ADGRF5: variants seen among roughly 807,000 people sequenced by gnomAD.
The protein encoded by ADGRF5 is G-protein coupled receptor 116.
In ADGRF5, 75 loss-of-function variants were observed where a neutral mutation model predicts 132.3. The ratio of observed to expected loss-of-function variants is 0.57; its 90% CI spans 0.47 to 0.69. The LOEUF (loss-of-function observed/expected upper bound fraction) is 0.69. Ranked by LOEUF, ADGRF5 falls within the 30% of genes least tolerant of loss-of-function variation. The pLI, the probability that ADGRF5 is intolerant of heterozygous loss-of-function variation, is 0.00. For missense variants in ADGRF5, 1,516 were observed against 1,630.6 expected (o/e 0.93, Z 1.21); for synonymous variants, 629 against 597.6 (o/e 1.05, Z -0.77).
In ADGRF5 at chr6:46,858,688, G is replaced by A. The variant is rs1168229983; in HGVS notation, c.3215C>T (p.Ala1072Val). ...TATGTAGCGATTGTCCTGGATGGCA[G>A]CGACCACAATGAACCAGGTGTTGGC... ...LVANTWFIVV[A>V]AIQDNRYILC... The change falls in exon 17 of 21, where the codon GCT becomes GTT. Residue 1072 changes from alanine (A) to valine (V), a missense_variant. Transcript: ENST00000283296. The A allele has an allele frequency of 1.2e-6, 2 of 1,614,194 alleles. No individual in the cohort carries two copies. Among genetic ancestry groups the A allele is most frequent in the Admixed American group, 3.3e-5 (2 of 60,032 alleles).
chr6:46,880,001 C>G lies in ADGRF5; in HGVS notation c.853G>C (p.Glu285Gln). The G allele has an allele frequency of 6.2e-7, 1 of 1,614,134 alleles. No homozygotes were observed. Among genetic ancestry groups the G allele is most frequent in the Non-Finnish European group, 8.5e-7 (1 of 1,179,988 alleles). ...CACACCAGACTGACTGTGTCCCCTT[C>G]AAAGATGATTTCTGGTGTGACAAAG... The part of the protein sequence containing the change: ...NFFVTPEIIF[E>Q]GDTVSLVCEK... The change falls in exon 9 of 21, where the codon GAA becomes CAA. Residue 285 changes from glutamate to glutamine, a missense_variant. Coordinates refer to ENST00000283296, the MANE Select transcript of ADGRF5 (RefSeq NM_001098518.2).
chr6:46,901,828 AG>A (rs1490956960), intron 2 of ADGRF5, among the ~76,000 whole-genome samples: 4 of 151,944 alleles, frequency 2.6e-5, no homozygotes, highest in Non-Finnish European at 5.9e-5. Flanking sequence ...TCCAGTGAAC[AG>A]TTCCCTTGGC....
At chr6:46,870,069 T>G (rs1252419772) in intron 11 of ADGRF5, among the ~76,000 whole-genome samples, 2 of 152,126 alleles carry the variant, frequency 1.3e-5, no homozygotes, top group Non-Finnish European at 2.9e-5. Context: ...CACCATTCAC[T>G]TCAGTCTTCT....
chr6:46,922,879 C>T (rs1265924597), upstream of ADGRF5, among the ~76,000 whole-genome samples: 1 of 152,194 alleles, frequency 6.6e-6, no homozygotes, highest in African/African-American at 2.4e-5. Flanking sequence ...TGCTTTAGTC[C>T]CACCAATTAT....
chr6:46,927,377 C>T (rs1435978185), intron 1 of ADGRF5, among the ~76,000 whole-genome samples: 1 of 152,042 alleles, frequency 6.6e-6, no homozygotes, highest in Non-Finnish European at 1.5e-5. Flanking sequence ...AAAGGCTTAA[C>T]CAAGGTCACA....
chr6:46,951,721 C>G (rs977760601), intron 1 of ADGRF5, among the ~76,000 whole-genome samples: 3 of 152,158 alleles, frequency 2.0e-5, no homozygotes, highest in Non-Finnish European at 4.4e-5. Context: ...TTTCCTCCCT[C>G]CTCATCTAAC....
At chr6:46,923,832 C>T (rs1188251228), upstream of ADGRF5, among the ~76,000 whole-genome samples, 1 of 152,178 alleles carries the variant, frequency 6.6e-6, no homozygotes. Context: ...CCAGAATGAA[C>T]TGTGGATGGA....
At chr6:46,891,327 T>C (rs1773617341) in intron 3 of ADGRF5, among the ~76,000 whole-genome samples, 1 of 152,228 alleles carries the variant, frequency 6.6e-6, no homozygotes, top group Non-Finnish European at 1.5e-5. Flanking sequence ...ATTCTAACTA[T>C]GGACACATTA....
At chr6:46,912,146 G>T (rs940995000) in intron 1 of ADGRF5, among the ~76,000 whole-genome samples, 1 of 152,150 alleles carries the variant, frequency 6.6e-6, no homozygotes, top group African/African-American at 2.4e-5. Context: ...GCTAGTAAGT[G>T]ACAGAGCCAG....
intron 11 of ADGRF5, 161 bp from the exon 12 acceptor site, chr6:46,869,253 G>T: frequency 1.4e-6 from 2 of 1,458,928 alleles, no homozygotes; most frequent in Non-Finnish European, 9.0e-7. Context: ...GTACCTTGCT[G>T]CTCCTGGGCT....
chr6:46,943,843 T>G (rs546205090), intron 1 of ADGRF5, among the ~76,000 whole-genome samples: 1 of 152,292 alleles, frequency 6.6e-6, no homozygotes, highest in Non-Finnish European at 1.5e-5. Flanking sequence ...GTTCAAAGGA[T>G]GGTACAAAGC....
At position 46,906,706 on chromosome 6, in the gene ADGRF5, G is replaced by A. The variant is rs1438156705; in HGVS notation, c.57C>T (p.Ser19=). ...CGTAATTCCAGTTCAGTGCAGCTTT[G>A]GAAGAATAAATCACAATAAACATGA... The part of the protein sequence containing the change: ...LCLMFIVIYS[S]KAALNWNYES... Residue 19 remains serine (S), a synonymous_variant, in exon 2 of 21, where the codon TCC becomes TCT. Coordinates refer to ENST00000283296, the MANE Select transcript of ADGRF5 (RefSeq NM_001098518.2). 6.2e-7 allele frequency: 1 copy of A among 1,606,376 alleles called. No homozygotes were observed. Among genetic ancestry groups the A allele is most frequent in the Non-Finnish European group, 8.5e-7 (1 of 1,173,062 alleles).
upstream of ADGRF5, among the ~76,000 whole-genome samples, chr6:46,924,994 T>A (rs1777177739): frequency 6.6e-6 from 1 of 152,220 alleles, no homozygotes. Context: ...CTCTTGTCAC[T>A]TATAGTCTGT....
At chr6:46,917,538 C>T (rs1303732074) in intron 1 of ADGRF5, among the ~76,000 whole-genome samples, 1 of 152,172 alleles carries the variant, frequency 6.6e-6, no homozygotes, top group East Asian at 1.9e-4. Flanking sequence ...TTATTTGAGG[C>T]ATAGGATTAT....
At chr6:46,915,183 T>C (rs1425757758) in intron 1 of ADGRF5, among the ~76,000 whole-genome samples, 1 of 152,064 alleles carries the variant, frequency 6.6e-6, no homozygotes, top group Non-Finnish European at 1.5e-5. Context: ...AAATGTTATG[T>C]GAGAAAACTT....
intron 1 of ADGRF5, among the ~76,000 whole-genome samples, chr6:46,930,985 T>C (rs550121057): frequency 6.6e-6 from 1 of 152,184 alleles, no homozygotes; most frequent in African/African-American, 2.4e-5. Flanking sequence ...GCCTGGGAAG[T>C]CAAGGCTGCA....
In ADGRF5 at chr6:46,878,554, C is replaced by G. The variant is rs112579111; in HGVS notation, c.1037-149G>C. 1,881 of 611,978 alleles carry G rather than the reference C, an allele frequency of 3.1e-3. 23 individuals are homozygous for G. The African/African-American group carries it at 0.031, about 10-fold the overall frequency. The allele number at this position is 611,978 out of a possible 1,614,324, so 37.9% of individuals were successfully genotyped here. A position where few individuals can be genotyped will look rare whatever the true frequency, so the allele number is the denominator to read the frequency against. ...CTTGGTCTAAAGACGCCTAAAAAAC[C>G]ATTCAGGAATTCAGGAAGTGCAGAT... On this transcript the variant is annotated intron_variant, in intron 9 of 20. Coordinates refer to ENST00000283296, the MANE Select transcript of ADGRF5 (RefSeq NM_001098518.2).
intron 1 of ADGRF5, among the ~76,000 whole-genome samples, chr6:46,927,382 G>A (rs1257007959): frequency 6.6e-6 from 1 of 152,070 alleles, no homozygotes. Flanking sequence ...CTTAACCAAG[G>A]TCACAAGCAG....
At chr6:46,883,034 T>C (rs1772653229) in intron 6 of ADGRF5, among the ~76,000 whole-genome samples, 1 of 152,226 alleles carries the variant, frequency 6.6e-6, no homozygotes, top group African/African-American at 2.4e-5. Context: ...GATGGATCAA[T>C]TCAATGTGAA....
Sources: gnomAD v4.1 joint callset for allele counts (sites outside exome capture counted in the v4.1 genomes callset) on GRCh38, gnomAD v4.1.1 for gene constraint, MANE v1.5 for transcripts, NCBI Gene and HGNC (gene_info 2026-07-23, HGNC 2026-07-21) for gene names.